Variants in SPATA6 observed in about 807,000 individuals in gnomAD.
SPATA6 encodes the protein spermatogenesis-associated protein 6.
SPATA6 carries 56 observed loss-of-function variants against 65.3 expected under a neutral mutation model. The ratio of observed to expected loss-of-function variants is 0.86; its 90% CI spans 0.69 to 1.07. The LOEUF is 1.07. Ranked by LOEUF, SPATA6 falls within the 50% of genes least tolerant of loss-of-function variation. SPATA6 has a pLI of 0.00. For synonymous variants in SPATA6, 199 were observed against 213.2 expected (o/e 0.93, Z 0.58); for missense variants, 590 against 594.8 (o/e 0.99, Z 0.08).
At chr1:48,357,484 C>G (rs1309980455) in intron 10 of SPATA6, among the ~76,000 whole-genome samples, 1 of 152,040 alleles carries the variant, frequency 6.6e-6, no homozygotes, top group Non-Finnish European at 1.5e-5. Context: ...TTACTGCAAT[C>G]TTAGAGAAAA....
chr1:48,326,628 T>C (rs929996868), intron 11 of SPATA6, among the ~76,000 whole-genome samples: 9 of 151,086 alleles, frequency 6.0e-5, no homozygotes, highest in Non-Finnish European at 1.2e-4. Context: ...TACAAAACTA[T>C]AGTAACTAAA....
chr1:48,339,612 A>G (rs1557584535), intron 11 of SPATA6, among the ~76,000 whole-genome samples: 1 of 152,102 alleles, frequency 6.6e-6, no homozygotes, highest in African/African-American at 2.4e-5. Flanking sequence ...TCTAAAAAAT[A>G]TAATTATTAA....
intron 11 of SPATA6, among the ~76,000 whole-genome samples, chr1:48,326,858 A>C (rs1194546063): frequency 2.6e-5 from 4 of 152,160 alleles, no homozygotes; most frequent in African/African-American, 9.7e-5. Flanking sequence ...AATTCATGAT[A>C]TATTAAAGAC....
intron 11 of SPATA6, 140 bp from the exon 12 acceptor site, chr1:48,306,018 TG>T (rs1214565421): frequency 1.6e-6 from 1 of 618,376 alleles, no homozygotes; most frequent in Non-Finnish European, 2.8e-6. Context: ...AGTGTTTCTT[TG>T]GGGGGAAAAA....
At chr1:48,362,820 A>G (rs1339987516) in intron 9 of SPATA6, among the ~76,000 whole-genome samples, 2 of 152,182 alleles carry the variant, frequency 1.3e-5, no homozygotes, top group African/African-American at 2.4e-5. Flanking sequence ...TGAAAAATGA[A>G]TAATAGTTGG....
chr1:48,363,011 A>C (rs1441143602), intron 9 of SPATA6, among the ~76,000 whole-genome samples: 1 of 152,172 alleles, frequency 6.6e-6, no homozygotes, highest in Non-Finnish European at 1.5e-5. Flanking sequence ...GAACTCAAAA[A>C]AAGTTACAAT....
At chr1:48,374,722 T>G (rs1293270857) in intron 9 of SPATA6, among the ~76,000 whole-genome samples, 1 of 152,158 alleles carries the variant, frequency 6.6e-6, no homozygotes, top group Non-Finnish European at 1.5e-5. Context: ...TCCTTCCTTA[T>G]CAAAATAGTG....
chr1:48,341,018 G>A (rs571578334), intron 11 of SPATA6, among the ~76,000 whole-genome samples: 6 of 152,176 alleles, frequency 3.9e-5, no homozygotes, highest in South Asian at 4.1e-4. Context: ...GCATAACCAC[G>A]ACACATTATC....
At chr1:48,437,359 C>T (rs1655033729) in intron 3 of SPATA6, 1 of 1,487,258 alleles carries the variant, frequency 6.7e-7, no homozygotes. Flanking sequence ...TATTTAAAAC[C>T]ACTCTGTTCA....
At chr1:48,366,560 T>C (rs1349100310) in intron 9 of SPATA6, among the ~76,000 whole-genome samples, 2 of 152,366 alleles carry the variant, frequency 1.3e-5, no homozygotes, top group Non-Finnish European at 2.9e-5. Context: ...CCATTTCTTC[T>C]AGATTTTCTA....
intron 7 of SPATA6, 189 bp downstream of exon 7, chr1:48,399,162 G>A: frequency 1.6e-6 from 1 of 622,884 alleles, no homozygotes; most frequent in Non-Finnish European, 2.7e-6. Context: ...TCTCTGTCAG[G>A]TCTGAAGACT....
the SPATA6 span, among the ~76,000 whole-genome samples, chr1:48,278,984 C>T: frequency 0.013 from 1,921 of 152,242 alleles, 47 homozygotes; most frequent in African/African-American, 0.044. Context: ...GCGGATCTCT[C>T]GGCAGAAACT....
At chr1:48,323,048 T>C (rs545552411) in intron 11 of SPATA6, among the ~76,000 whole-genome samples, 1 of 152,334 alleles carries the variant, frequency 6.6e-6, no homozygotes, top group East Asian at 1.9e-4. Flanking sequence ...AAATACCATT[T>C]GACCCAGCAA....
intron 10 of SPATA6, among the ~76,000 whole-genome samples, chr1:48,357,004 T>C (rs905111270): frequency 2.0e-5 from 3 of 152,134 alleles, no homozygotes; most frequent in African/African-American, 7.2e-5. Context: ...ATATAGTACA[T>C]CTTGGAAATC....
At chr1:48,376,939 C>T (rs1256505721) in intron 9 of SPATA6, among the ~76,000 whole-genome samples, 1 of 152,150 alleles carries the variant, frequency 6.6e-6, no homozygotes, top group African/African-American at 2.4e-5. Flanking sequence ...TATAATCTTA[C>T]AAAACGACTG....
chr1:48,338,190 C>T (rs1646112217), intron 11 of SPATA6, among the ~76,000 whole-genome samples: 1 of 151,816 alleles, frequency 6.6e-6, no homozygotes, highest in South Asian at 2.1e-4. Context: ...AGAACAGAAT[C>T]CAGGACTATC....
intron 11 of SPATA6, among the ~76,000 whole-genome samples, chr1:48,341,919 T>C (rs1165487758): frequency 6.6e-6 from 1 of 152,206 alleles, no homozygotes; most frequent in African/African-American, 2.4e-5. Flanking sequence ...TAAGGGGTCT[T>C]GGAACATATC....
At chr1:48,402,400 A>C (rs1651251245) in intron 6 of SPATA6, among the ~76,000 whole-genome samples, 1 of 152,154 alleles carries the variant, frequency 6.6e-6, no homozygotes, top group Non-Finnish European at 1.5e-5. Flanking sequence ...AGAAAAAAAA[A>C]CTGTCTGAGT....
chr1:48,291,303 T>A (rs1286798847), downstream of SPATA6, among the ~76,000 whole-genome samples: 1 of 152,028 alleles, frequency 6.6e-6, no homozygotes, highest in Admixed American at 6.6e-5. Context: ...CCCAGGAGAT[T>A]ATGTCCCTTG....
Sources: gnomAD v4.1 joint callset for allele counts (sites outside exome capture counted in the v4.1 genomes callset) on GRCh38, gnomAD v4.1.1 for gene constraint, MANE v1.5 for transcripts, NCBI Gene and HGNC (gene_info 2026-07-23, HGNC 2026-07-21) for gene names.